The following VPS13A variants were observed in gnomAD, a reference collection of about 807,000 sequenced individuals.
The protein encoded by VPS13A is intermembrane lipid transfer protein VPS13A.
Under a neutral mutation model 390.9 loss-of-function variants are expected in VPS13A, and 264 were observed. That is an observed-to-expected ratio of 0.68 (90% CI 0.61 to 0.75). The LOEUF (loss-of-function observed/expected upper bound fraction) is 0.75, where lower values mean the gene tolerates loss of function less well. VPS13A is among the 30% of genes least tolerant of loss of function. The pLI is 0.00. For synonymous variants in VPS13A, 1,231 were observed against 1,227.1 expected (o/e 1.00, Z -0.07); for missense variants, 3,409 against 3,733.9 (o/e 0.91, Z 2.27).
intron 50 of VPS13A, among the ~76,000 whole-genome samples, chr9:77,341,691 C>CTTTTTTTTTTTATTTTTTT (rs1830825073): frequency 2.6e-5 from 1 of 37,822 alleles, no homozygotes; most frequent in African/African-American, 1.1e-4. Flanking sequence ...GACATCTTTC[C>CTTTTTTTTTTTATTTTTTT]TTTTTTTTTT....
intron 13 of VPS13A, among the ~76,000 whole-genome samples, chr9:77,224,830 G>A (rs1335495135): frequency 1.3e-5 from 2 of 152,146 alleles, no homozygotes; most frequent in Non-Finnish European, 2.9e-5. Context: ...AGCGTTGTAC[G>A]CTACAGATAA....
intron 23 of VPS13A, among the ~76,000 whole-genome samples, chr9:77,270,269 C>T (rs984608825): frequency 5.3e-5 from 8 of 152,056 alleles, no homozygotes; most frequent in Non-Finnish European, 1.0e-4. Context: ...AAAATATGGA[C>T]GTTCAAGCTG....
At chr9:77,250,509 C>G (rs796961060) in intron 21 of VPS13A, among the ~76,000 whole-genome samples, 1 of 152,086 alleles carries the variant, frequency 6.6e-6, no homozygotes, top group Non-Finnish European at 1.5e-5. Flanking sequence ...AAGCATCCTA[C>G]GATGTTCAGG....
chr9:77,329,397 G>C (rs963209817), intron 45 of VPS13A, among the ~76,000 whole-genome samples: 8 of 152,114 alleles, frequency 5.3e-5, no homozygotes, highest in African/African-American at 1.9e-4. Context: ...TCTAGCTTTT[G>C]CTTTTGATTT....
intron 52 of VPS13A, among the ~76,000 whole-genome samples, chr9:77,350,581 T>C (rs1487983709): frequency 1.3e-5 from 2 of 152,210 alleles, no homozygotes; most frequent in African/African-American, 4.8e-5. Flanking sequence ...CTCAAAATTG[T>C]ATAGGTATTG....
chr9:77,272,381 T>A (rs1440989246), intron 23 of VPS13A, among the ~76,000 whole-genome samples: 1 of 152,180 alleles, frequency 6.6e-6, no homozygotes, highest in Non-Finnish European at 1.5e-5. Context: ...CAAGCACCTA[T>A]GGGCATATCA....
chr9:77,320,232 G>A (rs1185671786), intron 42 of VPS13A, among the ~76,000 whole-genome samples: 1 of 152,220 alleles, frequency 6.6e-6, no homozygotes, highest in East Asian at 1.9e-4. Context: ...TAGCTACAAA[G>A]TGGAAAAGAT....
At chr9:77,330,019 C>A (rs1028892091) in intron 45 of VPS13A, among the ~76,000 whole-genome samples, 7 of 152,110 alleles carry the variant, frequency 4.6e-5, no homozygotes, top group African/African-American at 1.4e-4. Context: ...CTGTTTCTTT[C>A]TTACCTTTGT....
At chr9:77,269,151 T>C (rs1256170226) in intron 23 of VPS13A, among the ~76,000 whole-genome samples, 1 of 152,180 alleles carries the variant, frequency 6.6e-6, no homozygotes, top group African/African-American at 2.4e-5. Context: ...TTTTGCCTAA[T>C]TTAAGGTCAA....
chr9:77,376,815 T>C (rs1167566589), intron 67 of VPS13A, among the ~76,000 whole-genome samples: 1 of 152,036 alleles, frequency 6.6e-6, no homozygotes, highest in African/African-American at 2.4e-5. Context: ...TTGGATGAGA[T>C]CACCAAGGGA....
chr9:77,240,730 T>A (rs896267139), intron 19 of VPS13A, among the ~76,000 whole-genome samples: 1 of 152,200 alleles, frequency 6.6e-6, no homozygotes, highest in East Asian at 1.9e-4. Context: ...CATCTCAGCC[T>A]CCCAAAGTGC....
In VPS13A at chr9:77,315,424, C is replaced by T; in HGVS notation, c.4584C>T (p.Gly1528=). 1.9e-6 allele frequency: 3 copies of T among 1,613,946 alleles called. No homozygotes were observed. Among genetic ancestry groups the T allele is most frequent in the Non-Finnish European group, 2.5e-6 (3 of 1,179,868 alleles). Residue 1528 remains glycine (G), a synonymous_variant, in exon 38 of 72, where the codon GGC becomes GGT. Coordinates refer to ENST00000360280, the MANE Select transcript of VPS13A (RefSeq NM_033305.3). ...ANVFLEAYTT[G]TAVETSVQTW... Reference sequence around the variant, plus strand: ...TCTTTCTTGAGGCCTACACCACAGGCACTGCTGTAGAAACCAGTGTGCAAA... The same window carrying T: ...TCTTTCTTGAGGCCTACACCACAGGTACTGCTGTAGAAACCAGTGTGCAAA...
chr9:77,358,249 C>T, intron 56 of VPS13A, 108 bp from the exon 57 acceptor site: 1 of 991,458 alleles, frequency 1.0e-6, no homozygotes, highest in Non-Finnish European at 1.6e-6. Flanking sequence ...AGCCACCGTG[C>T]TTGGTCACCG....
chr9:77,297,904 C>T (rs1050220752), intron 33 of VPS13A, among the ~76,000 whole-genome samples: 5 of 152,012 alleles, frequency 3.3e-5, no homozygotes, highest in African/African-American at 9.7e-5. Flanking sequence ...GTAACTATTG[C>T]AGTAATTCAC....
intron 1 of VPS13A, among the ~76,000 whole-genome samples, chr9:77,186,720 C>G (rs572368323): frequency 2.0e-5 from 3 of 152,136 alleles, no homozygotes; most frequent in Admixed American, 2.0e-4. Context: ...ACAGGTGTGA[C>G]CCACCACACC....
chr9:77,289,342 A>C (rs1229559886), intron 31 of VPS13A, among the ~76,000 whole-genome samples: 1 of 152,174 alleles, frequency 6.6e-6, no homozygotes, highest in East Asian at 1.9e-4. Flanking sequence ...AATTATTGAT[A>C]TGATTGGATT....
intron 31 of VPS13A, 104 bp from the exon 32 acceptor site, chr9:77,293,237 G>C: frequency 1.9e-6 from 2 of 1,059,084 alleles, no homozygotes; most frequent in Non-Finnish European, 2.8e-6. Flanking sequence ...GAATACTTGG[G>C]AGATTTTCTA....
At chr9:77,312,513 G>A (rs1436339111) in intron 35 of VPS13A, among the ~76,000 whole-genome samples, 1 of 151,276 alleles carries the variant, frequency 6.6e-6, no homozygotes, top group Non-Finnish European at 1.5e-5. Flanking sequence ...TGCAAGCTCC[G>A]CCTCCCGGGT....
Position 77,280,154 on chromosome 9 carries a change from T to C in VPS13A, c.2825-5T>C. The C allele has an allele frequency of 6.3e-7, 1 of 1,599,876 alleles. No homozygotes were observed. Among genetic ancestry groups the C allele is most frequent in the South Asian group, 1.1e-5 (1 of 89,484 alleles). On this transcript the variant is annotated splice_polypyrimidine_tract_variant and splice_region_variant and intron_variant, in intron 26 of 71. Transcript: ENST00000360280. The stretch of plus-strand genomic sequence containing the variant: ...AAAAGATAATTTTTAAAAAATTATT[T>C]TTAGATGAAAACAAGAAACCAGTTT...
Sources: allele counts gnomAD v4.1 joint callset (sites outside exome capture counted in the v4.1 genomes callset), GRCh38; gene constraint gnomAD v4.1.1; transcripts MANE v1.5; gene names NCBI Gene and HGNC (gene_info 2026-07-23, HGNC 2026-07-21).